Variants in NAV2 observed in about 807,000 individuals in gnomAD.
NAV2 encodes the protein neuron navigator 2.
In NAV2, 54 loss-of-function variants were observed where a neutral mutation model predicts 223.2. That is an observed-to-expected ratio of 0.24 (90% CI 0.19 to 0.30). NAV2 has a LOEUF of 0.30. NAV2 is among the 10% of genes least tolerant of loss of function. NAV2 has a pLI of 1.00. For synonymous variants in NAV2, 1,279 were observed against 1,239.3 expected, an observed-to-expected ratio of 1.03 and a Z score of -0.67; for missense variants, 2,806 against 3,147.5, an observed-to-expected ratio of 0.89 and a Z score of 2.60.
chr11:19,947,404 G>A (rs2047018720), intron 9 of NAV2, among the ~76,000 whole-genome samples: 1 of 152,222 alleles, frequency 6.6e-6, no homozygotes, highest in Admixed American at 6.5e-5. Context: ...GTTTGGGGGT[G>A]GTACCCTCTT....
At chr11:20,013,348 A>G (rs1304744346) in intron 11 of NAV2, among the ~76,000 whole-genome samples, 1 of 152,166 alleles carries the variant, frequency 6.6e-6, no homozygotes, top group Non-Finnish European at 1.5e-5. Context: ...TCTTCCATTC[A>G]AAACAGTTTT....
chr11:19,564,258 T>C (rs374306686), intron 1 of NAV2, among the ~76,000 whole-genome samples: 1 of 152,298 alleles, frequency 6.6e-6, no homozygotes, highest in Non-Finnish European at 1.5e-5. Flanking sequence ...TGGGGCGCTC[T>C]CTGGGGGAAT....
intron 1 of NAV2, among the ~76,000 whole-genome samples, chr11:19,635,695 C>T (rs561172983): frequency 6.6e-6 from 1 of 152,290 alleles, no homozygotes; most frequent in Admixed American, 6.5e-5. Context: ...CTAACCCAGT[C>T]CCATGAGAGC....
At chr11:19,966,662 C>A (rs1475333156) in intron 10 of NAV2, among the ~76,000 whole-genome samples, 1 of 152,146 alleles carries the variant, frequency 6.6e-6, no homozygotes, top group East Asian at 1.9e-4. Context: ...AATTACCACC[C>A]ACCTGCCACA....
intron 11 of NAV2, among the ~76,000 whole-genome samples, chr11:19,992,194 C>T (rs1315851581): frequency 2.0e-5 from 3 of 152,226 alleles, no homozygotes; most frequent in African/African-American, 7.2e-5. Context: ...GAGGCAAATG[C>T]CTGTTTCCTC....
At chr11:19,581,784 G>A (rs539903367) in intron 1 of NAV2, among the ~76,000 whole-genome samples, 1 of 152,238 alleles carries the variant, frequency 6.6e-6, no homozygotes, top group East Asian at 1.9e-4. Flanking sequence ...ATTTGGGTTG[G>A]TTCCAAGTCT....
intron 8 of NAV2, among the ~76,000 whole-genome samples, chr11:19,943,935 C>T (rs200036342): frequency 4.0e-4 from 53 of 133,672 alleles, no homozygotes; most frequent in African/African-American, 1.3e-3. Context: ...TGGTGGCTCA[C>T]GCCTGTAATC....
intron 6 of NAV2, among the ~76,000 whole-genome samples, chr11:19,927,783 T>C (rs2044920087): frequency 6.6e-6 from 1 of 152,228 alleles, no homozygotes; most frequent in Admixed American, 6.5e-5. Context: ...TATCAGAGTT[T>C]ATTATACATA....
At chr11:19,588,381 G>C (rs1159916157) in intron 1 of NAV2, among the ~76,000 whole-genome samples, 1 of 152,202 alleles carries the variant, frequency 6.6e-6, no homozygotes, top group Admixed American at 6.5e-5. Context: ...CCCTTAGAGG[G>C]CATCTAGGCC....
intron 1 of NAV2, among the ~76,000 whole-genome samples, chr11:19,622,176 C>G (rs1284926356): frequency 6.6e-6 from 1 of 152,150 alleles, no homozygotes; most frequent in Non-Finnish European, 1.5e-5. Flanking sequence ...TTACTTCCAA[C>G]TACGTGGTCA....
chr11:20,080,174 G>C lies in NAV2; in HGVS notation c.5290G>C (p.Glu1764Gln). The C allele has an allele frequency of 6.2e-7, 1 of 1,614,030 alleles. No homozygotes were observed. Among genetic ancestry groups the C allele is most frequent in the Non-Finnish European group, 8.5e-7 (1 of 1,179,940 alleles). The change falls in exon 25 of 38, where the codon GAG becomes CAG. Residue 1764 changes from glutamate to glutamine, a missense_variant. Glu to Gln is a conservative substitution (Grantham distance 29, BLOSUM62 2). Coordinates refer to ENST00000349880, the MANE Select transcript of NAV2 (RefSeq NM_145117.5). Reference protein sequence around the residue: ...TSHSSVGSNIESDSKKKKRKN... With the variant: ...TSHSSVGSNIQSDSKKKKRKN... ...CCACTCCAGCGTGGGCAGCAACATAGAGAGTGACTCAAAGAAGAAGAAGCG... is the reference window on the plus strand; with the variant it reads ...CCACTCCAGCGTGGGCAGCAACATACAGAGTGACTCAAAGAAGAAGAAGCG...
intron 1 of NAV2, among the ~76,000 whole-genome samples, chr11:19,467,018 C>CAGAG (rs61354519): frequency 2.4e-5 from 2 of 82,448 alleles, no homozygotes; most frequent in African/African-American, 8.0e-5. Context: ...CACACACACA[C>CAGAG]AGAGAGAGAG....
intron 1 of NAV2, among the ~76,000 whole-genome samples, chr11:19,480,610 G>A (rs144102859): frequency 1.3e-3 from 194 of 152,284 alleles, no homozygotes; most frequent in African/African-American, 4.5e-3. Context: ...AGAAGAGAAG[G>A]GAAAATCATC....
At chr11:19,785,929 T>C (rs2057081923) in intron 1 of NAV2, among the ~76,000 whole-genome samples, 1 of 152,204 alleles carries the variant, frequency 6.6e-6, no homozygotes, top group Non-Finnish European at 1.5e-5. Flanking sequence ...CTTTCTGCCC[T>C]TTCTCCTTCC....
At chr11:19,743,241 G>A (rs1435260069) in intron 1 of NAV2, among the ~76,000 whole-genome samples, 3 of 152,236 alleles carry the variant, frequency 2.0e-5, no homozygotes. Flanking sequence ...GACCCTACAG[G>A]TGGAGAGGTG....
intron 28 of NAV2, 106 bp downstream of exon 28, chr11:20,092,474 C>A: frequency 8.3e-7 from 1 of 1,206,580 alleles, no homozygotes; most frequent in Non-Finnish European, 1.2e-6. Flanking sequence ...AATGGAGAGG[C>A]AACAGGCGTG....
At chr11:19,614,968 C>T (rs2046751763) in intron 1 of NAV2, among the ~76,000 whole-genome samples, 1 of 152,046 alleles carries the variant, frequency 6.6e-6, no homozygotes, top group African/African-American at 2.4e-5. Context: ...TGACTTCTGT[C>T]CCACCCCCAG....
At chr11:19,612,268 C>T (rs58599417) in intron 1 of NAV2, among the ~76,000 whole-genome samples, 22 of 152,134 alleles carry the variant, frequency 1.4e-4, no homozygotes, top group African/African-American at 4.8e-4. Context: ...GATGGGAGGG[C>T]CTGCAGTGAA....
At chr11:20,024,743 G>C (rs1321715276) in intron 11 of NAV2, among the ~76,000 whole-genome samples, 1 of 152,172 alleles carries the variant, frequency 6.6e-6, no homozygotes, top group Non-Finnish European at 1.5e-5. Context: ...GGGCAACTGT[G>C]GTTCTGTTTT....
Sources: gnomAD v4.1 joint callset for allele counts (sites outside exome capture counted in the v4.1 genomes callset) on GRCh38, gnomAD v4.1.1 for gene constraint, MANE v1.5 for transcripts, NCBI Gene and HGNC (gene_info 2026-07-23, HGNC 2026-07-21) for gene names.